The following PTPRN2 variants were observed in gnomAD, a reference collection of about 807,000 sequenced individuals.
PTPRN2 encodes protein tyrosine phosphatase receptor type N2.
Under a neutral mutation model 118.8 loss-of-function variants are expected in PTPRN2, and 74 were observed. That is an observed-to-expected ratio of 0.62 (90% CI 0.52 to 0.76). The LOEUF is 0.76. Ranked by LOEUF, PTPRN2 falls within the 30% of genes least tolerant of loss-of-function variation. The probability of loss-of-function intolerance (pLI) is 0.00; values close to 1 mark genes in which losing one functional copy is unlikely to be tolerated. For missense variants in PTPRN2, 1,481 were observed against 1,394.4 expected (o/e 1.06, Z -0.99); for synonymous variants, 641 against 608.0 (o/e 1.05, Z -0.80).
chr7:158,272,659 C>T (rs1184129424), intron 3 of PTPRN2, among the ~76,000 whole-genome samples: 1 of 152,174 alleles, frequency 6.6e-6, no homozygotes, highest in African/African-American at 2.4e-5. Flanking sequence ...AGAGTCAAAT[C>T]TCGGAGCACC....
chr7:158,071,142 TGGTGGTGGAGGTG>T (rs1811427929), intron 11 of PTPRN2, among the ~76,000 whole-genome samples: 2 of 70,008 alleles, frequency 2.9e-5, no homozygotes. Context: ...GAGGTGCTCG[TGGTGGTGGAGGTG>T]CTCGTGGTGG....
At chr7:158,352,547 G>A (rs1234199441) in intron 2 of PTPRN2, among the ~76,000 whole-genome samples, 1 of 152,210 alleles carries the variant, frequency 6.6e-6, no homozygotes, top group Non-Finnish European at 1.5e-5. Flanking sequence ...ATTCGTGGCT[G>A]GATTAAACTT....
At chr7:158,095,363 C>T (rs1814547890) in intron 10 of PTPRN2, among the ~76,000 whole-genome samples, 1 of 151,816 alleles carries the variant, frequency 6.6e-6, no homozygotes, top group South Asian at 2.1e-4. Flanking sequence ...CATGTGTTTA[C>T]ATATTTCTTG....
chr7:158,104,213 T>G (rs756796802), intron 10 of PTPRN2, among the ~76,000 whole-genome samples: 3 of 152,154 alleles, frequency 2.0e-5, no homozygotes, highest in Non-Finnish European at 4.4e-5. Context: ...TGAGATTTCT[T>G]TTCTGTGCTT....
At chr7:158,394,771 C>T (rs1238786499) in intron 2 of PTPRN2, among the ~76,000 whole-genome samples, 1 of 152,224 alleles carries the variant, frequency 6.6e-6, no homozygotes, top group Non-Finnish European at 1.5e-5. Context: ...AGAGGGTGTG[C>T]GGCAGGGGCT....
At chr7:157,574,247 C>T (rs570763870) in intron 19 of PTPRN2, 18 of 405,784 alleles carry the variant, frequency 4.4e-5, no homozygotes, top group East Asian at 3.5e-4. Flanking sequence ...CGGGCGAGAG[C>T]GCACCGTCAT....
intron 11 of PTPRN2, among the ~76,000 whole-genome samples, chr7:158,013,586 T>C (rs906712088): frequency 4.6e-5 from 7 of 152,082 alleles, no homozygotes; most frequent in African/African-American, 1.7e-4. Flanking sequence ...CACTTGTTCA[T>C]CTATCCATTC....
At chr7:157,931,011 G>C (rs1177224444) in intron 11 of PTPRN2, among the ~76,000 whole-genome samples, 4 of 152,158 alleles carry the variant, frequency 2.6e-5, no homozygotes, top group African/African-American at 9.7e-5. Context: ...CAGGCCTCCT[G>C]TGGATCAGAG....
intron 11 of PTPRN2, among the ~76,000 whole-genome samples, chr7:157,957,028 C>T (rs893192662): frequency 6.6e-6 from 1 of 152,180 alleles, no homozygotes; most frequent in African/African-American, 2.4e-5. Flanking sequence ...AAAGGTCCTA[C>T]CCAACATCAG....
chr7:158,415,653 G>A (rs1373732734), intron 2 of PTPRN2, among the ~76,000 whole-genome samples: 1 of 152,012 alleles, frequency 6.6e-6, no homozygotes. Flanking sequence ...TTGAGGACTT[G>A]TCCCCCCACC....
At chr7:157,945,366 G>A (rs1373654897) in intron 11 of PTPRN2, among the ~76,000 whole-genome samples, 8 of 151,694 alleles carry the variant, frequency 5.3e-5, no homozygotes, top group South Asian at 2.1e-4. Context: ...CGTGTGTCCC[G>A]AAGACCCCCC....
chr7:157,874,075 G>A lies in PTPRN2; in HGVS notation c.1788+24598C>T, dbSNP rs908205179. 1.8e-4 allele frequency among the ~76,000 whole-genome samples: 27 copies of A among 152,308 alleles called. No homozygotes were observed. The highest frequency in any genetic ancestry group is 3.4e-3 in the Middle Eastern group (1 of 294). On this transcript the variant is annotated intron_variant, in intron 12 of 22. Coordinates refer to ENST00000389418, the MANE Select transcript of PTPRN2 (RefSeq NM_002847.5). This position sits in a 1 kb window ranked among gnomAD's most constrained non-coding sequence, Gnocchi z 5.8. ...GCCTGGCACAGCTCAGTGGTGGCAC[G>A]TCACATCACACATCTTCAGACCAGG...
chr7:157,767,731 G>A (rs71543606), intron 12 of PTPRN2, among the ~76,000 whole-genome samples: 1 of 152,202 alleles, frequency 6.6e-6, no homozygotes, highest in African/African-American at 2.4e-5. Context: ...TCTTAGAAAC[G>A]CTGTGTGTGT....
intron 12 of PTPRN2, among the ~76,000 whole-genome samples, chr7:157,748,353 T>C (rs549096662): frequency 2.7e-5 from 4 of 150,088 alleles, no homozygotes; most frequent in Non-Finnish European, 5.9e-5. Context: ...TTCTGAGGCC[T>C]GCGTCCCTGA....
At chr7:158,528,054 G>A (rs923862030) in intron 1 of PTPRN2, among the ~76,000 whole-genome samples, 2 of 152,214 alleles carry the variant, frequency 1.3e-5, no homozygotes, top group Non-Finnish European at 2.9e-5. Flanking sequence ...AGGGACAGCC[G>A]AGGAGCTGCT....
chr7:158,284,953 C>T (rs553481884), intron 3 of PTPRN2, among the ~76,000 whole-genome samples: 29 of 152,338 alleles, frequency 1.9e-4, no homozygotes, highest in African/African-American at 6.0e-4. Context: ...TGTGCCCCCA[C>T]GAGCCCGGCT....
intron 10 of PTPRN2, among the ~76,000 whole-genome samples, chr7:158,107,778 G>A (rs866599861): frequency 2.6e-5 from 4 of 152,018 alleles, no homozygotes; most frequent in Admixed American, 6.6e-5. Context: ...GCATCTTCTC[G>A]TGTCCCCTGC....
chr7:157,724,334 G>A (rs145697224), intron 12 of PTPRN2, among the ~76,000 whole-genome samples: 263 of 152,324 alleles, frequency 1.7e-3, no homozygotes, highest in African/African-American at 5.2e-3. Flanking sequence ...CAGGAATTAC[G>A]AACATAAAAC....
At chr7:158,036,263 C>A (rs1808084522) in intron 11 of PTPRN2, among the ~76,000 whole-genome samples, 1 of 152,086 alleles carries the variant, frequency 6.6e-6, no homozygotes, top group Admixed American at 6.5e-5. Flanking sequence ...AACAAAAACA[C>A]AAAATGCCAG....
Sources: allele counts gnomAD v4.1 joint callset (sites outside exome capture counted in the v4.1 genomes callset), GRCh38; gene constraint gnomAD v4.1.1; non-coding constraint Gnocchi (gnomAD v3.1); transcripts MANE v1.5; gene names NCBI Gene and HGNC (gene_info 2026-07-23, HGNC 2026-07-21).